PMM2: variants seen among roughly 807,000 people sequenced by gnomAD.
PMM2 encodes the protein mannose-6-phosphate isomerase.
PMM2 carries 35 observed loss-of-function variants against 33.2 expected under a neutral mutation model. That is an observed-to-expected ratio of 1.06 (90% confidence interval 0.81 to 1.40). PMM2 has a LOEUF of 1.40. Among genes scored for constraint, PMM2 ranks in the 40% most tolerant of loss-of-function variants. The pLI, the probability that PMM2 is intolerant of heterozygous loss-of-function variation, is 0.00. For missense variants in PMM2, 386 were observed against 306.0 expected (o/e 1.26, Z -1.95); for synonymous variants, 153 against 114.7 (o/e 1.33, Z -2.13).
chr16:8,843,442 C>A (rs1185568319), intron 7 of PMM2, among the ~76,000 whole-genome samples: 1 of 152,078 alleles, frequency 6.6e-6, no homozygotes, highest in Non-Finnish European at 1.5e-5. Context: ...GTTGAACAGT[C>A]CGATTTCCAG....
intron 7 of PMM2, chr16:8,842,120 A>G (rs2060894722): frequency 6.6e-6 from 1 of 151,044 alleles, no homozygotes; most frequent in South Asian, 2.1e-4. Context: ...CGCACTAACC[A>G]TGCCTAGGAA....
rs756637944 is a variant in PMM2 at position 8,848,071 on chromosome 16, C to T, written c.*246C>T. The T allele has an allele frequency of 7.3e-5, 39 of 530,838 alleles. No individual in the cohort carries two copies. Among genetic ancestry groups the T allele is most frequent in the Non-Finnish European group, 1.2e-4 (36 of 292,206 alleles). 32.9% of individuals were successfully genotyped at this position (530,838 alleles called of 1,614,324 possible). On this transcript the variant is annotated 3_prime_UTR_variant, in exon 8 of 8. Coordinates refer to ENST00000268261, the MANE Select transcript of PMM2 (RefSeq NM_000303.3). ...ACAAAAGGTCTTCCCCACCCACCCC[C>T]AGCCCCCTAGTCTAATACCCACCCT...
chr16:8,808,605 G>C (rs2060659477), intron 4 of PMM2: 1 of 152,252 alleles, frequency 6.6e-6, no homozygotes. Flanking sequence ...CTTTAGGGCG[G>C]AACTGATTGC....
chr16:8,835,496 TAAAG>T (rs1392912999), intron 7 of PMM2, among the ~76,000 whole-genome samples: 1 of 151,908 alleles, frequency 6.6e-6, no homozygotes, highest in Non-Finnish European at 1.5e-5. Flanking sequence ...AAAGGAATAG[TAAAG>T]AAAGCATGTT....
At chr16:8,846,972 T>C (rs1473764836) in intron 7 of PMM2, among the ~76,000 whole-genome samples, 1 of 152,128 alleles carries the variant, frequency 6.6e-6, no homozygotes, top group African/African-American at 2.4e-5. Flanking sequence ...CAAGCAATTC[T>C]CCTGCCTCAG....
rs573188957 is a variant in PMM2, at chr16:8,833,386, C to T, written c.640-14338C>T. Among the ~76,000 whole-genome samples the T allele has an allele frequency of 7.9e-5, 12 of 152,314 alleles. No individual in the cohort carries two copies. In the South Asian group the frequency reaches 2.5e-3, roughly 32 times the overall value. ...TAAGGCTATTTTTACTTTTGCGGAT[C>T]TTCAGTTACTTCAGGCCATCTGGAT... On this transcript the variant is annotated intron_variant, in intron 7 of 7. Transcript: ENST00000268261.
At chr16:8,822,656 C>T (rs1409878001) in intron 7 of PMM2, among the ~76,000 whole-genome samples, 1 of 152,224 alleles carries the variant, frequency 6.6e-6, no homozygotes, top group African/African-American at 2.4e-5. Context: ...ATACCTTATT[C>T]CTAATACTTC....
chr16:8,818,458 A>G (rs1183924787), intron 7 of PMM2, among the ~76,000 whole-genome samples: 1 of 152,248 alleles, frequency 6.6e-6, no homozygotes, highest in African/African-American at 2.4e-5. Flanking sequence ...AGAGCAATCC[A>G]AATACTAGCC....
chr16:8,839,173 A>T (rs1324276027), intron 7 of PMM2, among the ~76,000 whole-genome samples: 1 of 152,024 alleles, frequency 6.6e-6, no homozygotes, highest in Admixed American at 6.6e-5. Context: ...TGTCGGTGTC[A>T]TGAGGGGAAC....
At chr16:8,806,503 C>A in intron 4 of PMM2, 96 bp downstream of exon 4, 2 of 830,916 alleles carry the variant, frequency 2.4e-6, no homozygotes, top group South Asian at 1.4e-5. Context: ...TTATAAAAAT[C>A]ACCTAAAGAG....
chr16:8,846,206 C>CCACCTGAGGACGCCACGTCCCT (rs1355030854), intron 7 of PMM2, among the ~76,000 whole-genome samples: 2 of 152,198 alleles, frequency 1.3e-5, no homozygotes, highest in Non-Finnish European at 2.9e-5. Context: ...CCTGAGGAGG[C>CCACCTGAGGACGCCACGTCCCT]CATCTGCCTG....
chr16:8,839,090 C>T (rs373231576), intron 7 of PMM2, among the ~76,000 whole-genome samples: 6 of 151,672 alleles, frequency 4.0e-5, no homozygotes, highest in African/African-American at 9.7e-5. Flanking sequence ...ATTCCAGTAC[C>T]GAGAGCAATA....
intron 7 of PMM2, chr16:8,832,782 G>A: frequency 8.1e-6 from 8 of 985,322 alleles, no homozygotes; most frequent in Non-Finnish European, 9.6e-6. Flanking sequence ...CAATCTGTGA[G>A]GCCCGCTGTG....
chr16:8,800,087 G>A (rs948872655), intron 1 of PMM2, among the ~76,000 whole-genome samples: 1 of 152,136 alleles, frequency 6.6e-6, no homozygotes, highest in Non-Finnish European at 1.5e-5. Flanking sequence ...AGCCGGGCAC[G>A]GTAGTTCATG....
intron 3 of PMM2, among the ~76,000 whole-genome samples, chr16:8,805,860 GAT>G (rs1292812098): frequency 6.6e-6 from 1 of 152,176 alleles, no homozygotes; most frequent in Non-Finnish European, 1.5e-5. Context: ...AAAATGCTGG[GAT>G]TACAGGTGTG....
At chr16:8,829,460 G>A (rs1452703125) in intron 7 of PMM2, among the ~76,000 whole-genome samples, 1 of 152,230 alleles carries the variant, frequency 6.6e-6, no homozygotes, top group African/African-American at 2.4e-5. Flanking sequence ...TTTTCAAGAT[G>A]CTGCCCAATG....
chr16:8,826,168 C>G (rs1425155852), intron 7 of PMM2, among the ~76,000 whole-genome samples: 2 of 152,120 alleles, frequency 1.3e-5, no homozygotes, highest in Non-Finnish European at 2.9e-5. Context: ...AGCCAGCTTG[C>G]TCACACACAG....
At chr16:8,831,602 A>G (rs2060810175) in intron 7 of PMM2, among the ~76,000 whole-genome samples, 1 of 152,220 alleles carries the variant, frequency 6.6e-6, no homozygotes, top group African/African-American at 2.4e-5. Context: ...GCATCCACAC[A>G]GCACACACCC....
chr16:8,838,670 GAAACT>G (rs1057067515), intron 7 of PMM2, among the ~76,000 whole-genome samples: 4 of 151,942 alleles, frequency 2.6e-5, no homozygotes, highest in African/African-American at 7.3e-5. Flanking sequence ...GATGAATTGA[GAAACT>G]AAACAGAAGA....
Sources: allele counts gnomAD v4.1 joint callset (sites outside exome capture counted in the v4.1 genomes callset), GRCh38; gene constraint gnomAD v4.1.1; transcripts MANE v1.5; gene names NCBI Gene and HGNC (gene_info 2026-07-23, HGNC 2026-07-21).